Variants in BIN3 observed in about 807,000 individuals in gnomAD.
BIN3 encodes bridging integrator 3.
BIN3 carries 41 observed loss-of-function variants against 38.2 expected under a neutral mutation model. That is an observed-to-expected ratio of 1.07 (90% CI 0.84 to 1.39). BIN3 has a LOEUF of 1.39. Ranked by LOEUF, BIN3 falls within the 40% of genes most tolerant of loss-of-function variation. The pLI is 0.00. For synonymous variants in BIN3, 145 were observed against 122.6 expected (o/e 1.18, Z -1.21); for missense variants, 361 against 324.3 (o/e 1.11, Z -0.87).
Position 22,624,028 on chromosome 8 carries a change from C to G in BIN3, c.502G>C (p.Val168Leu). 6.2e-7 allele frequency: 1 copy of G among 1,613,230 alleles called. No individual in the cohort carries two copies. Among genetic ancestry groups the G allele is most frequent in the Non-Finnish European group, 8.5e-7 (1 of 1,179,824 alleles). ...TTCTTGGCTTCAAAGTCCTCCCGCA[C>G]AGGCCGCAGCTCCTCTCGTGCCTAG... The part of the protein sequence containing the change: ...LHQAREELRP[V>L]REDFEAKNRQ... Residue 168 changes from valine to leucine, a missense_variant, in exon 8 of 9, where the codon GTG becomes CTG. Transcript: ENST00000276416.
chr8:22,628,516 T>TGCGCCCCCTCTGCC (rs1802077289), intron 6 of BIN3, among the ~76,000 whole-genome samples: 2 of 152,162 alleles, frequency 1.3e-5, no homozygotes, highest in South Asian at 4.1e-4. Flanking sequence ...TGCGGAGATG[T>TGCGCCCCCTCTGCC]GCGCCCCCTC....
At chr8:22,641,001 C>G (rs972999004) in intron 2 of BIN3, among the ~76,000 whole-genome samples, 2 of 152,134 alleles carry the variant, frequency 1.3e-5, no homozygotes, top group African/African-American at 4.8e-5. Context: ...CTCACTGGTC[C>G]GAGAGTTCTC....
At chr8:22,634,111 C>G (rs1474429559) in intron 4 of BIN3, among the ~76,000 whole-genome samples, 1 of 152,232 alleles carries the variant, frequency 6.6e-6, no homozygotes, top group Non-Finnish European at 1.5e-5. Context: ...CAGCTGTCTG[C>G]AGAAGCAGGA....
chr8:22,648,072 T>A (rs1054350313), intron 1 of BIN3, among the ~76,000 whole-genome samples: 2 of 145,134 alleles, frequency 1.4e-5, no homozygotes, highest in Non-Finnish European at 3.0e-5. Context: ...GAGGCAGAGC[T>A]TGCAGTGAGC....
At chr8:22,649,850 C>T (rs35002969) in intron 1 of BIN3, among the ~76,000 whole-genome samples, 6,444 of 120,496 alleles carry the variant, frequency 0.053, 248 homozygotes, top group East Asian at 0.077. Flanking sequence ...CACACACACA[C>T]ACACACACCC....
intron 4 of BIN3, 79 bp downstream of exon 4, chr8:22,636,446 C>T (rs1018643165): frequency 6.9e-7 from 1 of 1,449,372 alleles, no homozygotes; most frequent in Non-Finnish European, 9.5e-7. Context: ...ACTTCAGAGC[C>T]CTTGGGGGGC....
At chr8:22,626,218 G>C (rs1041164011) in intron 6 of BIN3, 2 of 152,350 alleles carry the variant, frequency 1.3e-5, no homozygotes, top group African/African-American at 4.8e-5. Flanking sequence ...GGGCCTCCCA[G>C]GACTGTGCAC....
chr8:22,651,989 T>C (rs1039812537), intron 1 of BIN3, among the ~76,000 whole-genome samples: 13 of 145,580 alleles, frequency 8.9e-5, no homozygotes, highest in African/African-American at 3.5e-4. Context: ...TCTACCAAGT[T>C]TTTTTTTTTT....
chr8:22,630,283 A>G (rs571567566), intron 5 of BIN3, among the ~76,000 whole-genome samples, 159 bp downstream of exon 5: 1 of 152,378 alleles, frequency 6.6e-6, no homozygotes, highest in Admixed American at 6.5e-5. Flanking sequence ...CAGTCTGGAA[A>G]GAGCCCTGTG....
intron 4 of BIN3, among the ~76,000 whole-genome samples, chr8:22,635,404 G>A (rs541979123): frequency 3.9e-5 from 6 of 152,294 alleles, no homozygotes; most frequent in Non-Finnish European, 5.9e-5. Flanking sequence ...CTGAGTGAGA[G>A]GAAGTGGGCA....
At chr8:22,634,793 C>T (rs542432969) in intron 4 of BIN3, among the ~76,000 whole-genome samples, 7 of 152,006 alleles carry the variant, frequency 4.6e-5, no homozygotes, top group East Asian at 1.9e-4. Flanking sequence ...GTGGCGGGCA[C>T]GGGGGTGGGC....
At chr8:22,644,719 A>C in intron 2 of BIN3, 36 bp downstream of exon 2, 2 of 1,600,114 alleles carry the variant, frequency 1.2e-6, no homozygotes, top group Non-Finnish European at 1.7e-6. Flanking sequence ...TGTGATACAG[A>C]ACTGAATCTC....
intron 4 of BIN3, among the ~76,000 whole-genome samples, chr8:22,634,169 T>C (rs1802293771): frequency 1.3e-5 from 2 of 152,208 alleles, no homozygotes; most frequent in African/African-American, 4.8e-5. Flanking sequence ...GGAAAGGCAG[T>C]GGGGACCGAT....
intron 6 of BIN3, 120 bp from the exon 7 acceptor site, chr8:22,624,483 G>A (rs1801948293): frequency 3.7e-6 from 5 of 1,354,922 alleles, no homozygotes; most frequent in Non-Finnish European, 5.0e-6. Flanking sequence ...GGGGCGTCCT[G>A]GCCAGCACTC....
At chr8:22,622,240 G>A (rs1306391757) in intron 8 of BIN3, among the ~76,000 whole-genome samples, 5 of 152,222 alleles carry the variant, frequency 3.3e-5, no homozygotes, top group Admixed American at 6.5e-5. Flanking sequence ...ACAGACAATA[G>A]GGGCCACTTC....
chr8:22,664,384 G>T (rs1803344059), intron 1 of BIN3, among the ~76,000 whole-genome samples: 1 of 152,218 alleles, frequency 6.6e-6, no homozygotes, highest in Non-Finnish European at 1.5e-5. Flanking sequence ...GCATTACTAT[G>T]CTCTCCACAG....
rs950326050 is a variant in BIN3, at chr8:22,662,180, A to G, written c.8+6864T>C. 1.6e-4 allele frequency among the ~76,000 whole-genome samples: 25 copies of G among 151,758 alleles called. 1 individual carries two copies. Among genetic ancestry groups the G allele is most frequent in the Admixed American group, 1.2e-3 (19 of 15,248 alleles). ...ATCTGCACATGACGATGCCCCTCACACTCCTGGCATGTGTCCCCTGCTGCA... is the reference window on the plus strand; with the variant it reads ...ATCTGCACATGACGATGCCCCTCACGCTCCTGGCATGTGTCCCCTGCTGCA... On this transcript the variant is annotated intron_variant, in intron 1 of 8. Coordinates refer to ENST00000276416, the MANE Select transcript of BIN3 (RefSeq NM_018688.6).
chr8:22,630,119 C>A (rs781005843), intron 5 of BIN3, 115 bp from the exon 6 acceptor site: 3 of 1,188,368 alleles, frequency 2.5e-6, no homozygotes, highest in Non-Finnish European at 3.7e-6. Context: ...AGGGTGCTGT[C>A]CTTGTCCTGG....
At chr8:22,634,465 G>A (rs1310231436) in intron 4 of BIN3, 2 of 456,216 alleles carry the variant, frequency 4.4e-6, no homozygotes, top group Non-Finnish European at 8.8e-6. Flanking sequence ...CTTTCCTTTT[G>A]TGATCAGTGC....
Sources: allele counts gnomAD v4.1 joint callset (sites outside exome capture counted in the v4.1 genomes callset), GRCh38; gene constraint gnomAD v4.1.1; transcripts MANE v1.5; gene names NCBI Gene and HGNC (gene_info 2026-07-23, HGNC 2026-07-21).